THRB: variants seen among roughly 807,000 people sequenced by gnomAD.
The protein encoded by THRB is thyroid hormone receptor beta, also known as nuclear receptor subfamily 1 group A member 2.
A neutral mutation model predicts 47.8 loss-of-function variants in THRB; 12 were observed. The ratio of observed to expected loss-of-function variants is 0.25; its 90% CI spans 0.16 to 0.41. THRB has a LOEUF of 0.41. Ranked by LOEUF, THRB falls within the 10% of genes least tolerant of loss-of-function variation. The pLI, the probability that THRB is intolerant of heterozygous loss-of-function variation, is 1.00. For synonymous variants in THRB, 218 were observed against 212.2 expected, an observed-to-expected ratio of 1.03 and a Z score of -0.24; for missense variants, 348 against 589.2, an observed-to-expected ratio of 0.59 and a Z score of 4.24.
At chr3:24,306,534 GT>G (rs558602694) in intron 2 of THRB, among the ~76,000 whole-genome samples, 54 of 148,942 alleles carry the variant, frequency 3.6e-4, no homozygotes, top group African/African-American at 1.2e-3. Context: ...AATATTCTTT[GT>G]ATTTTCCTGC....
chr3:24,225,433 C>A (rs2047558964), intron 4 of THRB, among the ~76,000 whole-genome samples: 1 of 152,204 alleles, frequency 6.6e-6, no homozygotes, highest in Non-Finnish European at 1.5e-5. Context: ...ACATTATTCA[C>A]ATTAAAGGCA....
chr3:24,416,077 A>C (rs1313313861), intron 1 of THRB, among the ~76,000 whole-genome samples: 2 of 151,872 alleles, frequency 1.3e-5, no homozygotes, highest in African/African-American at 2.4e-5. Context: ...TCAAGAGTGC[A>C]ATTGTGAAAT....
chr3:24,152,276 G>C, intron 6 of THRB, 114 bp downstream of exon 6: 5 of 670,764 alleles, frequency 7.5e-6, no homozygotes, highest in Admixed American at 2.2e-5. Context: ...ACAGACCATG[G>C]ATGTTAGAAT....
chr3:24,322,113 A>T (rs569379536), intron 2 of THRB, among the ~76,000 whole-genome samples: 12 of 152,312 alleles, frequency 7.9e-5, no homozygotes, highest in African/African-American at 2.6e-4. Context: ...AATTAGAATT[A>T]TGAATATATT....
chr3:24,285,786 A>G (rs928500181), intron 3 of THRB, among the ~76,000 whole-genome samples: 3 of 152,180 alleles, frequency 2.0e-5, no homozygotes, highest in Non-Finnish European at 4.4e-5. Context: ...GTGATTTTGC[A>G]TTACATTGAT....
At chr3:24,253,401 G>GA (rs1033241747) in intron 3 of THRB, among the ~76,000 whole-genome samples, 4 of 151,920 alleles carry the variant, frequency 2.6e-5, no homozygotes, top group Admixed American at 1.3e-4. Context: ...ACAAACACAG[G>GA]AAAAAAAATC....
intron 1 of THRB, among the ~76,000 whole-genome samples, chr3:24,463,444 T>C (rs140124384): frequency 2.6e-4 from 39 of 152,220 alleles, no homozygotes; most frequent in African/African-American, 7.7e-4. Context: ...ATTATTACTA[T>C]TATTTTGTAG....
At chr3:24,488,623 G>A (rs1051778274) in intron 1 of THRB, among the ~76,000 whole-genome samples, 1 of 150,848 alleles carries the variant, frequency 6.6e-6, no homozygotes, top group Non-Finnish European at 1.5e-5. Flanking sequence ...TCAATGATTT[G>A]CACATTGTCC....
chr3:24,465,054 C>CA (rs2125695403), intron 1 of THRB, among the ~76,000 whole-genome samples: 1 of 152,188 alleles, frequency 6.6e-6, no homozygotes, highest in South Asian at 2.1e-4. Context: ...CTGCAACCTA[C>CA]ACCTTCTTTC....
chr3:24,405,029 T>C (rs1441318125), intron 1 of THRB, among the ~76,000 whole-genome samples: 3 of 152,010 alleles, frequency 2.0e-5, no homozygotes, highest in African/African-American at 4.8e-5. Flanking sequence ...TGTTTTATCA[T>C]GATTTTAATT....
chr3:24,230,796 G>A (rs927126244), intron 3 of THRB, among the ~76,000 whole-genome samples: 1 of 152,198 alleles, frequency 6.6e-6, no homozygotes, highest in Non-Finnish European at 1.5e-5. Context: ...CTTAAGACTT[G>A]AGCTGGACTA....
At chr3:24,437,436 G>A (rs2071084583) in intron 1 of THRB, among the ~76,000 whole-genome samples, 1 of 152,004 alleles carries the variant, frequency 6.6e-6, no homozygotes. Flanking sequence ...AATACAGTTA[G>A]ATGGAAGGAA....
chr3:24,271,530 G>A (rs1483149029), intron 3 of THRB, among the ~76,000 whole-genome samples: 1 of 152,060 alleles, frequency 6.6e-6, no homozygotes, highest in East Asian at 1.9e-4. Flanking sequence ...ACTTGATCAG[G>A]GATGAACAGA....
chr3:24,221,305 C>T (rs2047136354), intron 4 of THRB, among the ~76,000 whole-genome samples: 1 of 152,214 alleles, frequency 6.6e-6, no homozygotes, highest in Non-Finnish European at 1.5e-5. Flanking sequence ...ATATGTGCAA[C>T]TGCTGTGGAC....
At chr3:24,274,522 C>T (rs1364895165) in intron 3 of THRB, among the ~76,000 whole-genome samples, 3 of 152,128 alleles carry the variant, frequency 2.0e-5, no homozygotes, top group African/African-American at 7.2e-5. Context: ...CTTTTTATAG[C>T]CTTTGTAATG....
chr3:24,177,907 T>C (rs1411948228), intron 5 of THRB, among the ~76,000 whole-genome samples: 6 of 152,210 alleles, frequency 3.9e-5, no homozygotes, highest in African/African-American at 1.4e-4. Flanking sequence ...AGTTAAAATA[T>C]GAGACGAGAA....
intron 2 of THRB, among the ~76,000 whole-genome samples, chr3:24,316,596 T>G (rs769295114): frequency 6.6e-6 from 1 of 152,128 alleles, no homozygotes; most frequent in Non-Finnish European, 1.5e-5. Context: ...ATTTTCATCC[T>G]CTCTTGAATT....
chr3:24,321,845 G>A (rs1282866468), intron 2 of THRB, among the ~76,000 whole-genome samples: 1 of 152,084 alleles, frequency 6.6e-6, no homozygotes, highest in Non-Finnish European at 1.5e-5. Context: ...ACTAGATTTT[G>A]AAGACACCAT....
At chr3:24,449,319 C>T (rs538337977) in intron 1 of THRB, among the ~76,000 whole-genome samples, 7 of 152,218 alleles carry the variant, frequency 4.6e-5, no homozygotes, top group South Asian at 4.2e-4. Flanking sequence ...GGGAAGGTCA[C>T]TTTCATATTA....
Sources: gnomAD v4.1 joint callset for allele counts (sites outside exome capture counted in the v4.1 genomes callset) on GRCh38, gnomAD v4.1.1 for gene constraint, MANE v1.5 for transcripts, NCBI Gene and HGNC (gene_info 2026-07-23, HGNC 2026-07-21) for gene names.